EPC1: variants seen among roughly 807,000 people sequenced by gnomAD.
EPC1 encodes the protein enhancer of polycomb 1.
EPC1 carries 12 observed loss-of-function variants against 98.4 expected under a neutral mutation model. The ratio of observed to expected loss-of-function variants is 0.12; its 90% CI spans 0.08 to 0.20. The LOEUF (loss-of-function observed/expected upper bound fraction) is 0.20, where lower values mean the gene tolerates loss of function less well. Ranked by LOEUF, EPC1 falls within the 10% of genes least tolerant of loss-of-function variation. EPC1 has a pLI of 1.00. For synonymous variants in EPC1, 357 were observed against 363.9 expected (o/e 0.98, Z 0.21); for missense variants, 729 against 990.5 (o/e 0.74, Z 3.54).
chr10:32,344,188 C>A (rs551131155), intron 1 of EPC1, among the ~76,000 whole-genome samples: 17 of 152,160 alleles, frequency 1.1e-4, no homozygotes, highest in Admixed American at 2.6e-4. Flanking sequence ...GTTTAATATA[C>A]CTTTTCAACA....
intron 5 of EPC1, chr10:32,291,862 TAGAGG>T (rs1834871311): frequency 6.6e-6 from 1 of 152,184 alleles, no homozygotes; most frequent in Non-Finnish European, 1.5e-5. Context: ...GGCATATAAA[TAGAGG>T]ATTGTTGGGA....
At chr10:32,327,694 G>T (rs1314228385) in intron 1 of EPC1, among the ~76,000 whole-genome samples, 1 of 146,770 alleles carries the variant, frequency 6.8e-6, no homozygotes, top group African/African-American at 2.7e-5. Flanking sequence ...TAGGCTATAT[G>T]GTATAGCTTA....
At chr10:32,293,229 T>C (rs2132737990) in intron 3 of EPC1, 35 bp from the exon 4 acceptor site, 1 of 1,461,188 alleles carries the variant, frequency 6.8e-7, no homozygotes, top group Non-Finnish European at 9.5e-7. Flanking sequence ...TTTCATACAA[T>C]ACACATACAA....
At chr10:32,296,628 G>A (rs937921159) in intron 2 of EPC1, among the ~76,000 whole-genome samples, 1 of 152,236 alleles carries the variant, frequency 6.6e-6, no homozygotes, top group African/African-American at 2.4e-5. Context: ...CTTAAACAGG[G>A]GCCAGGCGTA....
At chr10:32,352,908 C>T (rs1265785999) in intron 1 of EPC1, among the ~76,000 whole-genome samples, 3 of 152,138 alleles carry the variant, frequency 2.0e-5, no homozygotes, top group Admixed American at 6.5e-5. Context: ...GTAATCCCAG[C>T]ACTTTGGGAG....
At chr10:32,279,146 C>T (rs778228098) in intron 10 of EPC1, among the ~76,000 whole-genome samples, 18 of 151,964 alleles carry the variant, frequency 1.2e-4, no homozygotes, top group Admixed American at 4.6e-4. Flanking sequence ...GTCAGGAGTT[C>T]GAGACTGCCT....
rs768735430 is a variant in EPC1 at position 32,378,510 on chromosome 10, G to A, written c.-17C>T. ...ACTTACCATTAGTGCAGGCAAAGAAGACGGCAGTTCTTGAAAAAAAATTGT... is the reference window on the plus strand; with the variant it reads ...ACTTACCATTAGTGCAGGCAAAGAAAACGGCAGTTCTTGAAAAAAAATTGT... On this transcript the variant is annotated 5_prime_UTR_variant, in exon 1 of 14. Coordinates refer to the EPC1 transcript ENST00000375110. 6 of 1,543,096 alleles carry A rather than the reference G, an allele frequency of 3.9e-6. No individual in the cohort carries two copies. The South Asian group carries it at 7.3e-5, about 19-fold the overall frequency.
Position 32,281,239 on chromosome 10 carries a change from G to A in EPC1, c.1744+3459C>T, listed in dbSNP as rs571973925. 3.9e-5 allele frequency among the ~76,000 whole-genome samples: 6 copies of A among 152,166 alleles called. No individual in the cohort carries two copies. In the South Asian group the frequency reaches 1.2e-3, roughly 32 times the overall value. On this transcript the variant is annotated intron_variant, in intron 10 of 13. Transcript: ENST00000319778. ...TAATAGAAACGTGTTTTGCCATGTT[G>A]GCCAGGCTGGTCTTGAACTCCTGAT...
intron 1 of EPC1, among the ~76,000 whole-genome samples, chr10:32,311,617 T>C (rs1836235371): frequency 6.6e-6 from 1 of 150,572 alleles, no homozygotes; most frequent in South Asian, 2.1e-4. Context: ...GTACAGCAGT[T>C]CTCCCTTATC....
chr10:32,304,824 CAGG>C (rs1835777771), intron 2 of EPC1, among the ~76,000 whole-genome samples: 1 of 150,594 alleles, frequency 6.6e-6, no homozygotes, highest in Non-Finnish European at 1.5e-5. Context: ...GAGGCTGAGG[CAGG>C]AGAATCCCTT....
At chr10:32,297,454 T>C (rs1835238597) in intron 2 of EPC1, among the ~76,000 whole-genome samples, 1 of 151,872 alleles carries the variant, frequency 6.6e-6, no homozygotes, top group Admixed American at 6.6e-5. Flanking sequence ...CCCGGCAAAT[T>C]TTTGTATTTT....
At chr10:32,292,898 A>T in intron 4 of EPC1, 90 bp downstream of exon 4, 5 of 878,000 alleles carry the variant, frequency 5.7e-6, no homozygotes, top group Non-Finnish European at 8.2e-6. Flanking sequence ...GTCATATTTG[A>T]ATATAAATTA....
chr10:32,349,383 C>T (rs1839045077), upstream of EPC1, among the ~76,000 whole-genome samples: 2 of 152,140 alleles, frequency 1.3e-5, no homozygotes, highest in African/African-American at 2.4e-5. Flanking sequence ...AATCACCCTC[C>T]GTGGCAAATT....
At chr10:32,352,767 G>C (rs960371814) in intron 1 of EPC1, among the ~76,000 whole-genome samples, 1 of 152,154 alleles carries the variant, frequency 6.6e-6, no homozygotes, top group Non-Finnish European at 1.5e-5. Context: ...CTCAATTTTC[G>C]TGACAGCCCT....
chr10:32,273,287 CATAAA>C lies in EPC1; in HGVS notation c.1745-11_1745-7del, dbSNP rs1835926835. The C allele has an allele frequency of 1.2e-6, 2 of 1,613,234 alleles. No homozygotes were observed. Among genetic ancestry groups the C allele is most frequent in the Non-Finnish European group, 1.7e-6 (2 of 1,179,534 alleles). On this transcript the variant is annotated splice_region_variant and splice_polypyrimidine_tract_variant and intron_variant, in intron 10 of 13. Transcript: ENST00000319778. Reference sequence around the variant, plus strand: ...GTATTGTTCGGCTGTAAATGCTGAACATAAAATAAAGAAACACTTTATAAAAATGC... The same window carrying C: ...GTATTGTTCGGCTGTAAATGCTGAACATAAAGAAACACTTTATAAAAATGC...
chr10:32,300,826 C>T (rs987553505), intron 2 of EPC1, among the ~76,000 whole-genome samples: 2 of 152,048 alleles, frequency 1.3e-5, no homozygotes, highest in Non-Finnish European at 2.9e-5. Context: ...TGTGTCTTCA[C>T]GACACACCAC....
upstream of EPC1, chr10:32,347,348 G>T (rs1002121920): frequency 2.6e-4 from 69 of 265,744 alleles, no homozygotes; most frequent in African/African-American, 1.7e-3. Flanking sequence ...GCGGGTCCGG[G>T]GGCGGACAGG....
chr10:32,310,629 T>G (rs984140462), intron 1 of EPC1, among the ~76,000 whole-genome samples: 5 of 152,216 alleles, frequency 3.3e-5, no homozygotes, highest in Non-Finnish European at 5.9e-5. Context: ...ACAAAATATT[T>G]CACACAGGCC....
chr10:32,355,513 C>A (rs1839244829), intron 1 of EPC1, among the ~76,000 whole-genome samples: 1 of 150,886 alleles, frequency 6.6e-6, no homozygotes, highest in Non-Finnish European at 1.5e-5. Context: ...CTGGCACATA[C>A]TGACAGATTA....
Sources: allele counts gnomAD v4.1 joint callset (sites outside exome capture counted in the v4.1 genomes callset), GRCh38; gene constraint gnomAD v4.1.1; transcripts MANE v1.5; gene names NCBI Gene and HGNC (gene_info 2026-07-23, HGNC 2026-07-21).